Variants in TTC7A observed in about 807,000 individuals in gnomAD.
TTC7A encodes the protein tetratricopeptide repeat protein 7A.
A neutral mutation model predicts 103.7 loss-of-function variants in TTC7A; 110 were observed. The observed-to-expected ratio is 1.06, with a 90% CI of 0.91 to 1.24. The LOEUF (loss-of-function observed/expected upper bound fraction) is 1.24, where lower values mean the gene tolerates loss of function less well. TTC7A is among the 50% of genes most tolerant of loss of function. TTC7A has a pLI of 0.00. For synonymous variants in TTC7A, 521 were observed against 467.9 expected (o/e 1.11, Z -1.47); for missense variants, 1,340 against 1,116.3 (o/e 1.20, Z -2.86).
intron 1 of TTC7A, among the ~76,000 whole-genome samples, chr2:46,949,434 T>C (rs1254361239): frequency 6.6e-6 from 1 of 152,060 alleles, no homozygotes; most frequent in Non-Finnish European, 1.5e-5. Context: ...AGTTTTGCCA[T>C]GTTGGCCAGG....
At chr2:47,017,200 CAAAAAAAAAAAAAAAAA>C (rs70940652) in intron 11 of TTC7A, among the ~76,000 whole-genome samples, 1 of 35,592 alleles carries the variant, frequency 2.8e-5, no homozygotes, top group East Asian at 1.2e-3. Flanking sequence ...CACTCTGTCT[CAAAAAAAAAAAAAAAAA>C]AAAAAAAAAA....
At chr2:46,969,143 G>T (rs761734695) in intron 3 of TTC7A, among the ~76,000 whole-genome samples, 10 of 151,040 alleles carry the variant, frequency 6.6e-5, no homozygotes, top group Non-Finnish European at 1.2e-4. Context: ...TTTATGTCTG[G>T]TTTCTTTTGC....
At chr2:46,975,902 A>C (rs976567031) in intron 4 of TTC7A, among the ~76,000 whole-genome samples, 7 of 151,734 alleles carry the variant, frequency 4.6e-5, no homozygotes, top group Admixed American at 1.3e-4. Context: ...GTGCCCTTCT[A>C]ATTTTTGTAT....
rs1681416694 is a variant in TTC7A at position 47,038,648 on chromosome 2, ACCCACCCCC to A, written c.1803-7664_1803-7656del. Among the ~76,000 whole-genome samples, 90 of 38,884 alleles carry A rather than the reference ACCCACCCCC, an allele frequency of 2.3e-3. 1 individual carries two copies. Among genetic ancestry groups the A allele is most frequent in the African/African-American group, 9.3e-3 (87 of 9,378 alleles). 25.5% of individuals were successfully genotyped at this position (38,884 alleles called of 152,430 possible). A position where few individuals can be genotyped will look rare whatever the true frequency, so the allele number is the denominator to read the frequency against. On this transcript the variant is annotated intron_variant, in intron 15 of 19. Transcript: ENST00000319190. ...GCCACTTCCCACCCACCCTCCCCCC[ACCCACCCCC>A]CCGACACACAGAGGGTTCCCAGAAT...
intron 3 of TTC7A, among the ~76,000 whole-genome samples, chr2:46,964,756 A>G (rs1484169578): frequency 2.0e-5 from 3 of 152,094 alleles, no homozygotes; most frequent in Non-Finnish European, 2.9e-5. Context: ...AGCCTCCCCA[A>G]GCTCCGGTGG....
chr2:47,066,246 C>T (rs998687618), intron 19 of TTC7A: 6 of 152,088 alleles, frequency 3.9e-5, no homozygotes. Flanking sequence ...TGGAGCAGGC[C>T]GCCTCATTCT....
rs1450671717 is a variant in TTC7A, at chr2:47,074,665, A to G, written c.*742A>G. ...ATTACTCCTGCAGGTCTTAGGCTACAATGCAGGTCCCTTGAGGGCCACCAA... is the reference window on the plus strand; with the variant it reads ...ATTACTCCTGCAGGTCTTAGGCTACGATGCAGGTCCCTTGAGGGCCACCAA... On this transcript the variant is annotated 3_prime_UTR_variant, in exon 20 of 20. Coordinates refer to ENST00000319190, the MANE Select transcript of TTC7A (RefSeq NM_020458.4). 1.3e-5 allele frequency: 2 copies of G among 152,408 alleles called. No homozygotes were observed. The highest frequency in any genetic ancestry group is 4.8e-5 in the African/African-American group (2 of 41,438). 9.4% of individuals were successfully genotyped at this position (152,408 alleles called of 1,614,324 possible).
intron 8 of TTC7A, among the ~76,000 whole-genome samples, chr2:47,003,530 T>G (rs1677056880): frequency 6.6e-6 from 1 of 152,124 alleles, no homozygotes; most frequent in South Asian, 2.1e-4. Flanking sequence ...GTTTAGATTT[T>G]ATCCTGATGG....
At chr2:47,071,571 G>A (rs1346660479) in intron 19 of TTC7A, among the ~76,000 whole-genome samples, 1 of 152,220 alleles carries the variant, frequency 6.6e-6, no homozygotes, top group African/African-American at 2.4e-5. Flanking sequence ...GTTTACAGAT[G>A]AGGAAACCAC....
intron 5 of TTC7A, among the ~76,000 whole-genome samples, chr2:46,985,802 T>C (rs1674953049): frequency 6.6e-6 from 1 of 152,248 alleles, no homozygotes. Flanking sequence ...AGGTGAATCA[T>C]CAGTTTCAGT....
At chr2:46,916,152 A>T (rs1468810734), upstream of TTC7A, 2 of 985,102 alleles carry the variant, frequency 2.0e-6, no homozygotes, top group African/African-American at 3.5e-5. Flanking sequence ...AACTCCGCTC[A>T]CCCCCTCCTA....
upstream of TTC7A, among the ~76,000 whole-genome samples, chr2:46,936,570 C>G (rs942233883): frequency 6.6e-6 from 1 of 152,208 alleles, no homozygotes; most frequent in Non-Finnish European, 1.5e-5. Context: ...TCACCATTCG[C>G]AGACTCTCAT....
intron 18 of TTC7A, 47 bp from the exon 19 acceptor site, chr2:47,060,722 C>A (rs1296424022): frequency 6.5e-7 from 1 of 1,548,524 alleles, no homozygotes; most frequent in Admixed American, 1.8e-5. Context: ...CAGGATGCCT[C>A]TGACTCCCCA....
intron 19 of TTC7A, among the ~76,000 whole-genome samples, chr2:47,067,640 C>CTGAG (rs917648723): frequency 5.9e-5 from 9 of 152,228 alleles, no homozygotes; most frequent in African/African-American, 2.2e-4. Flanking sequence ...TGACCTGGAC[C>CTGAG]TGAGTCCCAC....
chr2:47,005,040 A>G (rs36006218), intron 8 of TTC7A, among the ~76,000 whole-genome samples: 1,736 of 152,288 alleles, frequency 0.011, 43 homozygotes, highest in African/African-American at 0.039. Flanking sequence ...CCGCTCATAC[A>G]GCACCTTTCC....
chr2:46,973,881 G>A (rs2104218052), intron 3 of TTC7A, among the ~76,000 whole-genome samples: 1 of 152,312 alleles, frequency 6.6e-6, no homozygotes, highest in Non-Finnish European at 1.5e-5. Context: ...GGCAGCAGAT[G>A]TCGTGCCAGG....
At chr2:46,951,455 T>C (rs1178911561) in intron 2 of TTC7A, 6 of 419,316 alleles carry the variant, frequency 1.4e-5, no homozygotes, top group Non-Finnish European at 2.4e-5. Flanking sequence ...CATGGGTATG[T>C]CATTAGAAAC....
rs543773824 is a variant in TTC7A, at chr2:47,012,542, A to G, written c.1392+1107A>G. On this transcript the variant is annotated intron_variant, in intron 11 of 19. Coordinates refer to ENST00000319190, the MANE Select transcript of TTC7A (RefSeq NM_020458.4). ...GCAGTGGGGGCCAGGCTCTGGGTGC[A>G]TGCAGCAGGAGCTTCATAATTAGCA... Among the ~76,000 whole-genome samples, 3 of 152,336 alleles carry G rather than the reference A, an allele frequency of 2.0e-5. No individual in the cohort carries two copies. In the South Asian group the frequency reaches 6.2e-4, roughly 32 times the overall value.
intron 3 of TTC7A, among the ~76,000 whole-genome samples, chr2:46,969,127 AT>A (rs151285347): frequency 6.2e-4 from 93 of 151,090 alleles, no homozygotes; most frequent in African/African-American, 1.7e-3. Context: ...TACAGTATGC[AT>A]TTTTTTTATG....
Sources: gnomAD v4.1 joint callset for allele counts (sites outside exome capture counted in the v4.1 genomes callset) on GRCh38, gnomAD v4.1.1 for gene constraint, MANE v1.5 for transcripts, NCBI Gene and HGNC (gene_info 2026-07-23, HGNC 2026-07-21) for gene names.